FGF12: variants seen among roughly 807,000 people sequenced by gnomAD.
The protein encoded by FGF12 is fibroblast growth factor 12.
In FGF12, 14 loss-of-function variants were observed where a neutral mutation model predicts 23.6. The ratio of observed to expected loss-of-function variants is 0.59; its 90% CI spans 0.39 to 0.93. The LOEUF (loss-of-function observed/expected upper bound fraction) is 0.93, where lower values mean the gene tolerates loss of function less well. Ranked by LOEUF, FGF12 falls within the 40% of genes least tolerant of loss-of-function variation. The pLI is 0.00. For synonymous variants in FGF12, 62 were observed against 77.3 expected, an observed-to-expected ratio of 0.80 and a Z score of 1.04; for missense variants, 175 against 217.8, an observed-to-expected ratio of 0.80 and a Z score of 1.24.
chr3:192,423,266 A>C (rs1352997087), intron 2 of FGF12, among the ~76,000 whole-genome samples: 1 of 152,190 alleles, frequency 6.6e-6, no homozygotes, highest in Non-Finnish European at 1.5e-5. Flanking sequence ...TCCTAGAGCC[A>C]CTAAAATGTG....
chr3:192,687,617 G>T (rs1717793040), intron 2 of FGF12, among the ~76,000 whole-genome samples: 1 of 152,086 alleles, frequency 6.6e-6, no homozygotes, highest in African/African-American at 2.4e-5. Context: ...CACACCCAAG[G>T]TTGTCCCCTG....
intron 2 of FGF12, among the ~76,000 whole-genome samples, chr3:192,389,838 G>A (rs936461072): frequency 1.3e-5 from 2 of 152,164 alleles, no homozygotes; most frequent in Admixed American, 6.5e-5. Context: ...GTCTGACTAA[G>A]ACCATCATCC....
intron 5 of FGF12, among the ~76,000 whole-genome samples, chr3:192,155,607 T>C (rs1181070598): frequency 6.6e-6 from 1 of 152,238 alleles, no homozygotes; most frequent in Non-Finnish European, 1.5e-5. Flanking sequence ...CTTTTGGCTA[T>C]GAACAAGTAT....
At chr3:192,220,500 T>C (rs1408526376) in intron 4 of FGF12, among the ~76,000 whole-genome samples, 1 of 152,178 alleles carries the variant, frequency 6.6e-6, no homozygotes, top group Non-Finnish European at 1.5e-5. Flanking sequence ...CCAAACACCA[T>C]TTCCTTCTGA....
intron 2 of FGF12, chr3:192,516,465 T>C (rs1724671823): frequency 6.6e-6 from 1 of 152,282 alleles, no homozygotes; most frequent in African/African-American, 2.4e-5. Flanking sequence ...ACACCTGTTC[T>C]CTTTCTCTTA....
chr3:192,519,101 C>G (rs979013650), intron 2 of FGF12, among the ~76,000 whole-genome samples: 2 of 152,170 alleles, frequency 1.3e-5, no homozygotes, highest in Non-Finnish European at 2.9e-5. Context: ...AGCATTTACA[C>G]TAGTACCTTG....
intron 2 of FGF12, among the ~76,000 whole-genome samples, chr3:192,465,933 C>A (rs1260704407): frequency 1.3e-5 from 2 of 152,158 alleles, no homozygotes; most frequent in African/African-American, 4.8e-5. Flanking sequence ...CCTTTCCCTG[C>A]AATAAACTTC....
chr3:192,421,756 A>ACG (rs1404037831), intron 2 of FGF12, among the ~76,000 whole-genome samples: 1 of 152,074 alleles, frequency 6.6e-6, no homozygotes, highest in African/African-American at 2.4e-5. Context: ...CCACCATGGC[A>ACG]TGTGTATACC....
chr3:192,703,964 C>T (rs1052972835), intron 2 of FGF12, among the ~76,000 whole-genome samples: 8 of 152,184 alleles, frequency 5.3e-5, no homozygotes, highest in African/African-American at 1.4e-4. Flanking sequence ...CTTTGCCTCC[C>T]AAAGCACTGG....
intron 2 of FGF12, among the ~76,000 whole-genome samples, chr3:192,712,467 C>T (rs1718722633): frequency 6.7e-6 from 1 of 149,718 alleles, no homozygotes; most frequent in Non-Finnish European, 1.5e-5. Context: ...TTTCAAAACA[C>T]TGAGAAAAAA....
At chr3:192,290,504 A>G (rs781733290) in intron 4 of FGF12, among the ~76,000 whole-genome samples, 5 of 152,122 alleles carry the variant, frequency 3.3e-5, no homozygotes, top group East Asian at 3.9e-4. Flanking sequence ...CCAAGTTACA[A>G]TGGTTAAGGG....
chr3:192,397,309 G>A (rs552580582), intron 2 of FGF12, among the ~76,000 whole-genome samples: 1 of 152,290 alleles, frequency 6.6e-6, no homozygotes, highest in Non-Finnish European at 1.5e-5. Context: ...GAGGCAAGGA[G>A]GCAATGAGGA....
At chr3:192,431,348 T>C (rs1016766459) in intron 2 of FGF12, among the ~76,000 whole-genome samples, 2 of 152,140 alleles carry the variant, frequency 1.3e-5, no homozygotes, top group Non-Finnish European at 2.9e-5. Context: ...AAGGAGCTGA[T>C]TAGATCTTAG....
chr3:192,382,481 G>C (rs1719860365), intron 2 of FGF12, among the ~76,000 whole-genome samples: 2 of 151,908 alleles, frequency 1.3e-5, no homozygotes. Context: ...TAGAATAATG[G>C]CCTTTCTTCG....
chr3:192,378,094 C>CTTTCTTTCTTTT (rs1354979179), intron 2 of FGF12, among the ~76,000 whole-genome samples: 2 of 67,158 alleles, frequency 3.0e-5, no homozygotes, highest in Non-Finnish European at 5.9e-5. Flanking sequence ...TTCTTTCTTT[C>CTTTCTTTCTTTT]TTCTTTCTTT....
intron 2 of FGF12, among the ~76,000 whole-genome samples, chr3:192,546,929 T>C (rs1215188466): frequency 1.3e-5 from 2 of 152,060 alleles, no homozygotes; most frequent in Non-Finnish European, 2.9e-5. Context: ...CACACACCTG[T>C]AGTCCTAGCT....
At chr3:192,470,695 C>T (rs1049897859) in intron 2 of FGF12, among the ~76,000 whole-genome samples, 2 of 152,110 alleles carry the variant, frequency 1.3e-5, no homozygotes, top group Admixed American at 6.6e-5. Flanking sequence ...GGCCTAGTAA[C>T]GGAGTTTGAT....
At chr3:192,390,449 G>T (rs949707989) in intron 2 of FGF12, among the ~76,000 whole-genome samples, 1 of 152,178 alleles carries the variant, frequency 6.6e-6, no homozygotes, top group Non-Finnish European at 1.5e-5. Flanking sequence ...AAAGTAATGT[G>T]ACATTAAATA....
chr3:192,518,017 T>A (rs1724722691), intron 2 of FGF12, among the ~76,000 whole-genome samples: 1 of 152,198 alleles, frequency 6.6e-6, no homozygotes, highest in Non-Finnish European at 1.5e-5. Context: ...GAAAGTGATG[T>A]ATTTTAGTTT....
Sources: gnomAD v4.1 joint callset for allele counts (sites outside exome capture counted in the v4.1 genomes callset) on GRCh38, gnomAD v4.1.1 for gene constraint, MANE v1.5 for transcripts, NCBI Gene and HGNC (gene_info 2026-07-23, HGNC 2026-07-21) for gene names.